CADPS: variants seen among roughly 807,000 people sequenced by gnomAD.
CADPS encodes calcium-dependent secretion activator 1.
CADPS carries 57 observed loss-of-function variants against 167.3 expected under a neutral mutation model. The ratio of observed to expected loss-of-function variants is 0.34; its 90% confidence interval spans 0.28 to 0.42. The LOEUF is 0.42. Ranked by LOEUF, CADPS falls within the 20% of genes least tolerant of loss-of-function variation. CADPS has a pLI of 1.00. For synonymous variants in CADPS, 676 were observed against 635.3 expected (o/e 1.06, Z -0.96); for missense variants, 1,414 against 1,738.1 (o/e 0.81, Z 3.32).
chr3:62,554,519 T>A (rs902937707), intron 10 of CADPS, among the ~76,000 whole-genome samples: 5 of 151,814 alleles, frequency 3.3e-5, no homozygotes, highest in Non-Finnish European at 7.4e-5. Context: ...GGGAGAGAGG[T>A]AGAGTCTGAA....
In CADPS at chr3:62,474,170, T is replaced by A; in HGVS notation, c.3477+3A>T. 1 of 1,475,400 alleles carries A rather than the reference T, an allele frequency of 6.8e-7. No individual in the cohort carries two copies. Among genetic ancestry groups the A allele is most frequent in the Non-Finnish European group, 9.0e-7 (1 of 1,105,888 alleles). 91.4% of individuals were successfully genotyped at this position (1,475,400 alleles called of 1,614,324 possible). On this transcript the variant is annotated splice_donor_region_variant and intron_variant, in intron 24 of 29. Coordinates refer to ENST00000383710, the MANE Select transcript of CADPS (RefSeq NM_003716.4). ...AAATCTGTATTTTTTTTTTTTTTTT[T>A]ACCTCTTGGCCCATTTCCATGCTGC...
intron 1 of CADPS, among the ~76,000 whole-genome samples, chr3:62,816,794 CTT>C (rs967175733): frequency 6.6e-6 from 1 of 152,118 alleles, no homozygotes; most frequent in African/African-American, 2.4e-5. Context: ...AGTCATCACT[CTT>C]TTCACATTTC....
intron 5 of CADPS, among the ~76,000 whole-genome samples, chr3:62,649,543 CTTTTTTTT>C (rs369874258): frequency 2.5e-3 from 95 of 37,800 alleles, no homozygotes; most frequent in African/African-American, 6.5e-3. Flanking sequence ...AATATGTGGT[CTTTTTTTT>C]TTTTTTTTTT....
At chr3:62,467,214 A>G (rs2060043856) in intron 24 of CADPS, 1 of 541,916 alleles carries the variant, frequency 1.8e-6, no homozygotes, top group Non-Finnish European at 2.7e-6. Context: ...AGATCATTTT[A>G]GTATCCATTT....
chr3:62,504,787 G>T (rs924275923), intron 17 of CADPS, among the ~76,000 whole-genome samples: 1 of 152,048 alleles, frequency 6.6e-6, no homozygotes, highest in Non-Finnish European at 1.5e-5. Context: ...AGTTAAATGT[G>T]ACTGCAGAAA....
rs561819012 is a variant in CADPS at position 62,549,907 on chromosome 3, T to C, written c.1962A>G (p.Gln654=). ...NVPQLDAPIS[Q]FYADRAQKHG... ...TAAAACGGCATATTTACTTACAAAA[T>C]TGAGAGATAGGGGCATCCAGCTGAG... Residue 654 remains glutamine (Q), a synonymous_variant, in exon 11 of 30, where the codon CAA becomes CAG. Transcript: ENST00000383710. 4 of 1,613,092 alleles carry C rather than the reference T, an allele frequency of 2.5e-6. No individual in the cohort carries two copies. The highest frequency in any genetic ancestry group is 2.7e-5 in the African/African-American group (2 of 74,988).
chr3:62,793,551 G>T (rs1397184309), intron 1 of CADPS, among the ~76,000 whole-genome samples: 7 of 152,186 alleles, frequency 4.6e-5, no homozygotes, highest in Non-Finnish European at 1.0e-4. Context: ...GAAAATGACT[G>T]TACCAAGTAA....
intron 3 of CADPS, among the ~76,000 whole-genome samples, chr3:62,736,847 A>C (rs2079077133): frequency 1.3e-5 from 2 of 152,192 alleles, no homozygotes; most frequent in African/African-American, 4.8e-5. Context: ...TAAACTTAAA[A>C]AATCTAAGTA....
At chr3:62,819,075 G>C (rs1412057356) in intron 1 of CADPS, among the ~76,000 whole-genome samples, 1 of 152,116 alleles carries the variant, frequency 6.6e-6, no homozygotes, top group Non-Finnish European at 1.5e-5. Context: ...GAACTTTCTA[G>C]AGTGATGAAA....
At chr3:62,660,899 T>C (rs2073048534) in intron 4 of CADPS, among the ~76,000 whole-genome samples, 1 of 152,230 alleles carries the variant, frequency 6.6e-6, no homozygotes. Context: ...CCAGCCCTGA[T>C]ATTTAGACAG....
chr3:62,714,105 A>T (rs1024835373), intron 3 of CADPS, among the ~76,000 whole-genome samples: 113 of 152,282 alleles, frequency 7.4e-4, no homozygotes, highest in African/African-American at 2.6e-3. Flanking sequence ...ACTACAAAAC[A>T]TCTGTTCAAT....
intron 1 of CADPS, among the ~76,000 whole-genome samples, chr3:62,797,178 TC>T (rs1438432527): frequency 1.3e-5 from 2 of 152,174 alleles, no homozygotes; most frequent in Non-Finnish European, 2.9e-5. Context: ...TTGTTTTTTT[TC>T]CTCAGGGAGT....
At chr3:62,705,221 G>A (rs2082108195) in intron 3 of CADPS, among the ~76,000 whole-genome samples, 1 of 152,070 alleles carries the variant, frequency 6.6e-6, no homozygotes, top group East Asian at 1.9e-4. Context: ...ACAGTGTCTG[G>A]GGTGAGGTCA....
Position 62,515,868 on chromosome 3 carries a change from C to A in CADPS, c.2581+191G>T, listed in dbSNP as rs116357479. ...CAAAGGGAACTGTAATTACAAAGCC[C>A]CTGTAATGTCTTTTAATTCATTTAC... On this transcript the variant is annotated intron_variant, in intron 16 of 29. Transcript: ENST00000383710. Among the ~76,000 whole-genome samples, 635 of 152,160 alleles carry A rather than the reference C, an allele frequency of 4.2e-3. 5 individuals carry two copies. Among genetic ancestry groups the A allele is most frequent in the Non-Finnish European group, 5.4e-3 (367 of 67,982 alleles).
At chr3:62,562,998 C>T (rs549278570) in intron 9 of CADPS, among the ~76,000 whole-genome samples, 8 of 152,254 alleles carry the variant, frequency 5.3e-5, no homozygotes, top group African/African-American at 1.7e-4. Flanking sequence ...GTCAATTCAG[C>T]GGAAAGCAGA....
At position 62,514,251 on chromosome 3, in the gene CADPS, C is replaced by CCTGCAATGT. The variant is rs1216836619; in HGVS notation, c.2582-1484_2582-1483insACATTGCAG. ...TATCTTTCAGGCTGCAATGTCTCAG[C>CCTGCAATGT]CTATGGTGGACTATGTTCATGAAAG... On this transcript the variant is annotated intron_variant, in intron 16 of 29. Coordinates refer to ENST00000383710, the MANE Select transcript of CADPS (RefSeq NM_003716.4). The surrounding 1 kb of genome is among the most constrained non-coding windows in gnomAD (Gnocchi z 4.2). Among the ~76,000 whole-genome samples the CCTGCAATGT allele has an allele frequency of 6.6e-6, 1 of 151,988 alleles. No homozygotes were observed. Among genetic ancestry groups the CCTGCAATGT allele is most frequent in the African/African-American group, 2.4e-5 (1 of 41,394 alleles).
At chr3:62,557,863 G>A (rs909771701) in intron 9 of CADPS, among the ~76,000 whole-genome samples, 3 of 152,156 alleles carry the variant, frequency 2.0e-5, no homozygotes, top group Non-Finnish European at 4.4e-5. Context: ...TAAGCTACAT[G>A]TGACTGCCAT....
chr3:62,711,117 T>A (rs1223119089), intron 3 of CADPS, among the ~76,000 whole-genome samples: 1 of 152,194 alleles, frequency 6.6e-6, no homozygotes, highest in Non-Finnish European at 1.5e-5. Flanking sequence ...CTCTTTTCAG[T>A]GTAAGGTTTT....
chr3:62,643,690 C>T (rs927324798), intron 6 of CADPS, among the ~76,000 whole-genome samples: 1 of 152,182 alleles, frequency 6.6e-6, no homozygotes, highest in African/African-American at 2.4e-5. Context: ...ATTATAATAG[C>T]TCATATGAAA....
Sources: gnomAD v4.1 joint callset for allele counts (sites outside exome capture counted in the v4.1 genomes callset) on GRCh38, gnomAD v4.1.1 for gene constraint, Gnocchi (gnomAD v3.1) non-coding constraint, MANE v1.5 for transcripts, NCBI Gene and HGNC (gene_info 2026-07-23, HGNC 2026-07-21) for gene names.